The following FHIT variants were observed in gnomAD, a reference collection of about 807,000 sequenced individuals.
The protein encoded by FHIT is fragile histidine triad diadenosine triphosphatase, also known as bis(5'-adenosyl)-triphosphatase.
A neutral mutation model predicts 17.9 loss-of-function variants in FHIT; 19 were observed. The ratio of observed to expected loss-of-function variants is 1.06; its 90% CI spans 0.74 to 1.56. FHIT has a LOEUF of 1.56. Among genes scored for constraint, FHIT ranks in the 40% most tolerant of loss-of-function variants. FHIT has a pLI of 0.00. For missense variants in FHIT, 248 were observed against 189.2 expected (o/e 1.31, Z -1.82); for synonymous variants, 81 against 69.7 (o/e 1.16, Z -0.81).
chr3:60,982,443 C>T (rs151308597), intron 3 of FHIT, among the ~76,000 whole-genome samples: 24 of 152,332 alleles, frequency 1.6e-4, no homozygotes, highest in African/African-American at 4.1e-4. Flanking sequence ...TGAGATACAA[C>T]GTATACAGTG....
rs1007588937 is a variant in FHIT at position 60,376,341 on chromosome 3, G to A, written c.103+160519C>T. Among the ~76,000 whole-genome samples the A allele has an allele frequency of 2.8e-4, 43 of 152,198 alleles. 1 individual carries two copies. Among genetic ancestry groups the A allele is most frequent in the Admixed American group, 2.3e-3 (35 of 15,284 alleles). On this transcript the variant is annotated intron_variant, in intron 5 of 9. Coordinates refer to ENST00000492590, the MANE Select transcript of FHIT (RefSeq NM_002012.4). ...TATCAGATATTAATAAGTTGGTTAAGTGAATACCAAAGGTTCATGTTAGAA... is the reference window on the plus strand; with the variant it reads ...TATCAGATATTAATAAGTTGGTTAAATGAATACCAAAGGTTCATGTTAGAA...
chr3:60,481,387 G>T (rs1056495801), intron 5 of FHIT, among the ~76,000 whole-genome samples: 6 of 152,112 alleles, frequency 3.9e-5, no homozygotes, highest in African/African-American at 1.4e-4. Flanking sequence ...ATTCTCCAAG[G>T]TTGAAATGAA....
At chr3:60,711,127 G>T (rs937335217) in intron 4 of FHIT, among the ~76,000 whole-genome samples, 1 of 152,140 alleles carries the variant, frequency 6.6e-6, no homozygotes. Flanking sequence ...GAAAATCCAT[G>T]GTTCTGCAGA....
At chr3:61,046,526 AC>A (rs1157567505) in intron 2 of FHIT, among the ~76,000 whole-genome samples, 2 of 152,074 alleles carry the variant, frequency 1.3e-5, no homozygotes, top group East Asian at 3.9e-4. Context: ...AAAGTCCAGG[AC>A]CCAGATGGAT....
chr3:60,128,488 T>A (rs1290896258), intron 5 of FHIT, among the ~76,000 whole-genome samples: 1 of 152,214 alleles, frequency 6.6e-6, no homozygotes, highest in Non-Finnish European at 1.5e-5. Flanking sequence ...CTTTCCTTTA[T>A]AAATTGTCCA....
intron 4 of FHIT, among the ~76,000 whole-genome samples, chr3:60,696,114 AAAGGAAGG>A (rs782089607): frequency 6.6e-6 from 1 of 152,048 alleles, no homozygotes; most frequent in Non-Finnish European, 1.5e-5. Flanking sequence ...TTAAAAGAAG[AAAGGAAGG>A]AAGGAAGGAA....
intron 7 of FHIT, among the ~76,000 whole-genome samples, chr3:59,980,098 T>A (rs1708587061): frequency 6.6e-6 from 1 of 152,194 alleles, no homozygotes; most frequent in Non-Finnish European, 1.5e-5. Flanking sequence ...CACTTAAGCT[T>A]ACATTGCTCT....
chr3:59,850,433 G>A (rs1312205267), intron 8 of FHIT, among the ~76,000 whole-genome samples: 1 of 152,116 alleles, frequency 6.6e-6, no homozygotes, highest in Non-Finnish European at 1.5e-5. Flanking sequence ...TCATTAAAAT[G>A]AAACTCAGAC....
At chr3:60,423,084 G>C (rs977479364) in intron 5 of FHIT, among the ~76,000 whole-genome samples, 8 of 152,210 alleles carry the variant, frequency 5.3e-5, no homozygotes, top group African/African-American at 1.9e-4. Context: ...CATACCCAAC[G>C]GAACAGGCAG....
chr3:59,878,291 G>A (rs1007953829), intron 8 of FHIT, among the ~76,000 whole-genome samples: 2 of 151,764 alleles, frequency 1.3e-5, no homozygotes, highest in Admixed American at 6.6e-5. Context: ...TTCCAGGCAC[G>A]TGTGTGTGTG....
intron 3 of FHIT, among the ~76,000 whole-genome samples, chr3:60,900,932 C>T (rs188052322): frequency 3.2e-4 from 49 of 152,256 alleles, no homozygotes; most frequent in South Asian, 1.0e-3. Flanking sequence ...TGCATGCCAC[C>T]ACGCTCGGCT....
chr3:60,081,206 G>A (rs1210958256), intron 5 of FHIT, among the ~76,000 whole-genome samples: 5 of 152,130 alleles, frequency 3.3e-5, no homozygotes, highest in African/African-American at 1.2e-4. Context: ...TCTGACCCAG[G>A]TCTGGTGAGC....
At chr3:60,674,077 A>G (rs573799235) in intron 4 of FHIT, among the ~76,000 whole-genome samples, 134 of 152,224 alleles carry the variant, frequency 8.8e-4, no homozygotes, top group Non-Finnish European at 1.6e-3. Context: ...AGATCACTGA[A>G]GATTCATATA....
At chr3:61,157,846 A>T (rs1576122017) in intron 2 of FHIT, among the ~76,000 whole-genome samples, 1 of 152,198 alleles carries the variant, frequency 6.6e-6, no homozygotes, top group Non-Finnish European at 1.5e-5. Flanking sequence ...TATAAAACTT[A>T]AAAAGGACAG....
intron 5 of FHIT, among the ~76,000 whole-genome samples, chr3:60,071,146 C>A (rs1702751748): frequency 6.6e-6 from 1 of 152,072 alleles, no homozygotes; most frequent in Non-Finnish European, 1.5e-5. Context: ...GTAGAGCCAC[C>A]AGCCACATGC....
At chr3:60,816,648 C>T (rs1044408027) in intron 4 of FHIT, among the ~76,000 whole-genome samples, 8 of 151,596 alleles carry the variant, frequency 5.3e-5, no homozygotes, top group Non-Finnish European at 1.0e-4. Flanking sequence ...GTATTATGTT[C>T]AGGATTTTTG....
intron 8 of FHIT, among the ~76,000 whole-genome samples, chr3:59,828,849 G>C (rs564127910): frequency 1.6e-4 from 24 of 151,108 alleles, no homozygotes; most frequent in African/African-American, 5.6e-4. Flanking sequence ...TACTCTCTCT[G>C]TGTGTGTGTG....
chr3:61,107,929 G>A (rs1046952743), intron 2 of FHIT, among the ~76,000 whole-genome samples: 6 of 152,160 alleles, frequency 3.9e-5, no homozygotes, highest in African/African-American at 1.4e-4. Flanking sequence ...TCAGTGATTG[G>A]CACAAGGGTA....
chr3:60,345,857 CAT>C (rs201121759), intron 5 of FHIT, among the ~76,000 whole-genome samples: 2 of 152,000 alleles, frequency 1.3e-5, no homozygotes, highest in Admixed American at 6.5e-5. Context: ...CAGTTACTAA[CAT>C]ATTTGTATAT....
Sources: allele counts gnomAD v4.1 joint callset (sites outside exome capture counted in the v4.1 genomes callset), GRCh38; gene constraint gnomAD v4.1.1; transcripts MANE v1.5; gene names NCBI Gene and HGNC (gene_info 2026-07-23, HGNC 2026-07-21).